The following PRKCZ variants were observed in gnomAD, a reference collection of about 807,000 sequenced individuals.
PRKCZ encodes the protein protein kinase C zeta type.
In PRKCZ, 33 loss-of-function variants were observed where a neutral mutation model predicts 79.5. The ratio of observed to expected loss-of-function variants is 0.41; its 90% CI spans 0.31 to 0.55. The LOEUF (loss-of-function observed/expected upper bound fraction) is 0.55, where lower values mean the gene tolerates loss of function less well. PRKCZ is among the 20% of genes least tolerant of loss of function. The pLI is 0.19. For missense variants in PRKCZ, 578 were observed against 813.5 expected, an observed-to-expected ratio of 0.71 and a Z score of 3.52; for synonymous variants, 342 against 320.9, an observed-to-expected ratio of 1.07 and a Z score of -0.70.
chr1:2,073,305 G>A (rs143350843), intron 4 of PRKCZ, among the ~76,000 whole-genome samples: 60 of 152,266 alleles, frequency 3.9e-4, no homozygotes, highest in African/African-American at 1.4e-3. Flanking sequence ...CAACCACATC[G>A]CAAGGCCCCT....
intron 10 of PRKCZ, 52 bp from the exon 11 acceptor site, chr1:2,169,466 A>C (rs1273679761): frequency 6.7e-7 from 1 of 1,487,314 alleles, no homozygotes; most frequent in Non-Finnish European, 9.2e-7. Flanking sequence ...CTGTCTAAGG[A>C]GGCCGCCGTC....
intron 4 of PRKCZ, among the ~76,000 whole-genome samples, chr1:2,067,574 G>A (rs1661225598): frequency 6.6e-6 from 1 of 152,168 alleles, no homozygotes; most frequent in South Asian, 2.1e-4. Flanking sequence ...GGTGGAGCTG[G>A]GGTCTGTGGG....
intron 4 of PRKCZ, among the ~76,000 whole-genome samples, chr1:2,106,552 CACCA>C (rs1668504868): frequency 2.6e-4 from 10 of 39,064 alleles, no homozygotes; most frequent in South Asian, 9.5e-4. Flanking sequence ...CCACACGTGT[CACCA>C]GGCCAGGTAA....
chr1:2,111,173 G>A (rs916810018), intron 4 of PRKCZ, among the ~76,000 whole-genome samples: 2 of 152,112 alleles, frequency 1.3e-5, no homozygotes, highest in African/African-American at 2.4e-5. Flanking sequence ...CTGGCTGTGC[G>A]TGTTGGGCCT....
rs1663627830 is a variant in PRKCZ at position 2,082,018 on chromosome 1, G to T, written c.334+22427G>T. 2.0e-5 allele frequency among the ~76,000 whole-genome samples: 3 copies of T among 152,228 alleles called. No homozygotes were observed. In the South Asian group the frequency reaches 6.2e-4, roughly 31 times the overall value. On this transcript the variant is annotated intron_variant, in intron 4 of 17. Coordinates refer to ENST00000378567, the MANE Select transcript of PRKCZ (RefSeq NM_002744.6). This position sits in a 1 kb window ranked among gnomAD's most constrained non-coding sequence, Gnocchi z 4.4. The stretch of plus-strand genomic sequence containing the variant: ...TCAGTTCTCTTGCATTGCATAATTT[G>T]TTCATATTAAAGCAGGCTTGATCCG...
At chr1:2,097,425 C>T (rs1448620536) in intron 4 of PRKCZ, among the ~76,000 whole-genome samples, 1 of 152,200 alleles carries the variant, frequency 6.6e-6, no homozygotes, top group Non-Finnish European at 1.5e-5. Context: ...CCTGTGCTCT[C>T]AGAAGCAGGG....
At chr1:2,053,345 C>T (rs891331624) in intron 1 of PRKCZ, among the ~76,000 whole-genome samples, 4 of 152,182 alleles carry the variant, frequency 2.6e-5, no homozygotes, top group Admixed American at 1.3e-4. Context: ...GTGATCCGCC[C>T]GCCTTGGCCT....
At chr1:2,162,837 G>A (rs898157265) in intron 10 of PRKCZ, among the ~76,000 whole-genome samples, 2 of 152,302 alleles carry the variant, frequency 1.3e-5, no homozygotes, top group African/African-American at 4.8e-5. Flanking sequence ...CCAGCAGCAG[G>A]CAGCTTGGTC....
At position 2,082,144 on chromosome 1, in the gene PRKCZ, T is replaced by C. The variant is rs1384717851; in HGVS notation, c.334+22553T>C. On this transcript the variant is annotated intron_variant, in intron 4 of 17. Transcript: ENST00000378567. The surrounding 1 kb of genome is among the most constrained non-coding windows in gnomAD (Gnocchi z 4.4). ...CACGGCCATCCGAGGGCGGACGTGG[T>C]CAGGGGTGCTGGACGCGTCAGACGG... The C allele has an allele frequency of 1.2e-5, 4 of 329,908 alleles. No homozygotes were observed. The highest frequency in any genetic ancestry group is 8.6e-5 in the East Asian group (1 of 11,682). The allele number at this position is 329,908 out of a possible 1,614,324, so 20.4% of individuals were successfully genotyped here.
chr1:2,150,493 G>C (rs1027535825), intron 8 of PRKCZ, among the ~76,000 whole-genome samples: 1 of 152,214 alleles, frequency 6.6e-6, no homozygotes, highest in African/African-American at 2.4e-5. Context: ...AGGGCTGAGG[G>C]CCTGGGGGTC....
intron 4 of PRKCZ, among the ~76,000 whole-genome samples, chr1:2,086,055 C>CTT (rs34459015): frequency 7.3e-6 from 1 of 137,342 alleles, no homozygotes; most frequent in Non-Finnish European, 1.6e-5. Context: ...TATTATCATC[C>CTT]TTTTTTTTTT....
chr1:2,128,555 A>G lies in PRKCZ; in HGVS notation c.335-6707A>G, dbSNP rs1674378683. On this transcript the variant is annotated intron_variant, in intron 4 of 17. Coordinates refer to ENST00000378567, the MANE Select transcript of PRKCZ (RefSeq NM_002744.6). This position sits in a 1 kb window ranked among gnomAD's most constrained non-coding sequence, Gnocchi z 6.5. ...TAATTATAGAATCTCAAAGACACGC[A>G]CAGAGCTCCTTGAGGTTGTCGGAGT... 6.6e-6 allele frequency among the ~76,000 whole-genome samples: 1 copy of G among 152,262 alleles called. No homozygotes were observed. The highest frequency in any genetic ancestry group is 1.5e-5 in the Non-Finnish European group (1 of 68,052).
At chr1:2,110,415 G>A (rs1380678747) in intron 4 of PRKCZ, among the ~76,000 whole-genome samples, 1 of 152,232 alleles carries the variant, frequency 6.6e-6, no homozygotes, top group East Asian at 1.9e-4. Context: ...CGGTCAGGGG[G>A]CTCCTGGTCC....
chr1:2,172,257 G>T lies in PRKCZ; in HGVS notation c.1198-44G>T, dbSNP rs774689423. On this transcript the variant is annotated intron_variant, in intron 12 of 17. Transcript: ENST00000378567. This position sits in a 1 kb window ranked among gnomAD's most constrained non-coding sequence, Gnocchi z 7.8. Reference sequence around the variant, plus strand: ...CGTCTCGGGGCGCCTGTCCCGCGGGGTAGTGTCTACAAGAACCCTCTCCCA... The same window carrying T: ...CGTCTCGGGGCGCCTGTCCCGCGGGTTAGTGTCTACAAGAACCCTCTCCCA... 3 of 1,613,472 alleles carry T rather than the reference G, an allele frequency of 1.9e-6. No individual in the cohort carries two copies. Among genetic ancestry groups the T allele is most frequent in the Non-Finnish European group, 2.5e-6 (3 of 1,180,010 alleles).
At chr1:2,157,453 T>C (rs1352460181) in intron 10 of PRKCZ, among the ~76,000 whole-genome samples, 1 of 152,096 alleles carries the variant, frequency 6.6e-6, no homozygotes, top group Admixed American at 6.5e-5. Context: ...AGTCTCGCTC[T>C]ATCACCCAGG....
chr1:2,135,077 T>G, intron 4 of PRKCZ, 185 bp from the exon 5 acceptor site: 7 of 529,658 alleles, frequency 1.3e-5, no homozygotes, highest in Non-Finnish European at 2.0e-5. Context: ...CGTGACACCA[T>G]GAGGATCATG....
intron 4 of PRKCZ, among the ~76,000 whole-genome samples, chr1:2,102,539 A>C (rs905175997): frequency 6.6e-6 from 1 of 151,714 alleles, no homozygotes. Context: ...TCACTGTGTT[A>C]GCCGGGATGG....
At chr1:2,166,065 G>A (rs1281270273) in intron 10 of PRKCZ, among the ~76,000 whole-genome samples, 2 of 152,180 alleles carry the variant, frequency 1.3e-5, no homozygotes, top group African/African-American at 4.8e-5. Context: ...GCTGCACTTT[G>A]TCTTTGGTTG....
intron 16 of PRKCZ, among the ~76,000 whole-genome samples, chr1:2,179,011 G>A (rs1220144739): frequency 2.0e-5 from 3 of 152,176 alleles, no homozygotes; most frequent in Admixed American, 6.5e-5. Context: ...TCTGGGGCCC[G>A]GCACCGGGTC....
Sources: gnomAD v4.1 joint callset for allele counts (sites outside exome capture counted in the v4.1 genomes callset) on GRCh38, gnomAD v4.1.1 for gene constraint, Gnocchi (gnomAD v3.1) non-coding constraint, MANE v1.5 for transcripts, NCBI Gene and HGNC (gene_info 2026-07-23, HGNC 2026-07-21) for gene names.